Variants in SMAD6 observed in about 807,000 individuals in gnomAD.
SMAD6 encodes the protein MAD homolog 6.
In SMAD6, 103 loss-of-function variants were observed where a neutral mutation model predicts 39.4. That is an observed-to-expected ratio of 2.62 (90% CI 2.23 to 3.08). The LOEUF is 3.08. Among genes scored for constraint, SMAD6 ranks in the 30% most tolerant of loss-of-function variants. The pLI is 0.00. For missense variants in SMAD6, 1,104 were observed against 742.9 expected, an observed-to-expected ratio of 1.49 and a Z score of -5.65; for synonymous variants, 445 against 353.3, an observed-to-expected ratio of 1.26 and a Z score of -2.91.
At chr15:66,709,885 C>G (rs959961342) in intron 1 of SMAD6, among the ~76,000 whole-genome samples, 1 of 152,230 alleles carries the variant, frequency 6.6e-6, no homozygotes, top group South Asian at 2.1e-4. Context: ...AGGCTGGCCT[C>G]TAGGCCTGAG....
At position 66,781,613 on chromosome 15, in the gene SMAD6, G is replaced by C; in HGVS notation, c.*78G>C. The stretch of plus-strand genomic sequence containing the variant: ...CGGCCTCGAGAGGGGCCGATGCCCA[G>C]AGACACAGCCCCCACGGACAAAACC... On this transcript the variant is annotated 3_prime_UTR_variant, in exon 4 of 4. Transcript: ENST00000288840. 1 of 1,100,362 alleles carries C rather than the reference G, an allele frequency of 9.1e-7. No homozygotes were observed. The highest frequency in any genetic ancestry group is 1.2e-6 in the Non-Finnish European group (1 of 800,594). 68.2% of individuals were successfully genotyped at this position (1,100,362 alleles called of 1,614,324 possible).
chr15:66,761,314 G>C (rs1403203597), intron 3 of SMAD6, among the ~76,000 whole-genome samples: 1 of 152,164 alleles, frequency 6.6e-6, no homozygotes, highest in Admixed American at 6.5e-5. Context: ...TGGAAACCAA[G>C]CTCTGCTCTC....
At chr15:66,714,647 A>C (rs929878296) in intron 2 of SMAD6, among the ~76,000 whole-genome samples, 1 of 152,168 alleles carries the variant, frequency 6.6e-6, no homozygotes, top group Non-Finnish European at 1.5e-5. Context: ...GCGGGACCTG[A>C]ACCTGGAGCT....
chr15:66,781,962 A>G lies in SMAD6; in HGVS notation c.*427A>G, dbSNP rs1201862306. The G allele has an allele frequency of 2.5e-6, 1 of 398,752 alleles. No homozygotes were observed. The highest frequency in any genetic ancestry group is 3.6e-5 in the East Asian group (1 of 28,060). 24.7% of individuals were successfully genotyped at this position (398,752 alleles called of 1,614,324 possible). On this transcript the variant is annotated 3_prime_UTR_variant, in exon 4 of 4. Coordinates refer to ENST00000288840, the MANE Select transcript of SMAD6 (RefSeq NM_005585.5). ...CCCAGACAAAAAGCTAATACCAGTCACTCGATAATAAAGTATTCGCATTAT... is the reference window on the plus strand; with the variant it reads ...CCCAGACAAAAAGCTAATACCAGTCGCTCGATAATAAAGTATTCGCATTAT...
chr15:66,763,232 C>G (rs1894231590), intron 3 of SMAD6, among the ~76,000 whole-genome samples: 1 of 152,220 alleles, frequency 6.6e-6, no homozygotes, highest in Admixed American at 6.5e-5. Flanking sequence ...GTCAGCATGC[C>G]ACTTGGAGGT....
intron 3 of SMAD6, among the ~76,000 whole-genome samples, chr15:66,765,122 C>G (rs887046829): frequency 6.6e-6 from 1 of 152,206 alleles, no homozygotes; most frequent in Non-Finnish European, 1.5e-5. Flanking sequence ...CAGCCCTCAC[C>G]CCTGTTATCC....
At chr15:66,732,201 A>T (rs574519385) in intron 3 of SMAD6, among the ~76,000 whole-genome samples, 1 of 152,168 alleles carries the variant, frequency 6.6e-6, no homozygotes, top group South Asian at 2.1e-4. Context: ...CACCTCAGCC[A>T]AAGTGCTGGG....
chr15:66,774,584 G>A (rs566999764), intron 3 of SMAD6, among the ~76,000 whole-genome samples: 5 of 152,178 alleles, frequency 3.3e-5, no homozygotes, highest in East Asian at 3.9e-4. Flanking sequence ...GGGCCACTGT[G>A]GAGCCCTGCT....
intron 3 of SMAD6, among the ~76,000 whole-genome samples, chr15:66,763,723 C>T (rs28514905): frequency 0.11 from 16,676 of 152,306 alleles, 931 homozygotes; most frequent in South Asian, 0.13. Context: ...ATGTAAATCA[C>T]CAAGGAAGCC....
At chr15:66,760,553 C>T (rs1416902960) in intron 3 of SMAD6, among the ~76,000 whole-genome samples, 1 of 152,210 alleles carries the variant, frequency 6.6e-6, no homozygotes, top group Non-Finnish European at 1.5e-5. Context: ...CATGGCTGCT[C>T]CTGATCTCAT....
At chr15:66,777,047 A>G (rs935274885) in intron 3 of SMAD6, among the ~76,000 whole-genome samples, 1 of 152,210 alleles carries the variant, frequency 6.6e-6, no homozygotes, top group Non-Finnish European at 1.5e-5. Context: ...AAACAAAAAC[A>G]AAAACGAAGC....
At chr15:66,765,462 A>C (rs1894272283) in intron 3 of SMAD6, among the ~76,000 whole-genome samples, 1 of 152,154 alleles carries the variant, frequency 6.6e-6, no homozygotes, top group African/African-American at 2.4e-5. Context: ...TGACCTCGTG[A>C]TCTGCCTGCC....
chr15:66,715,289 G>C (rs1302783072), intron 2 of SMAD6, among the ~76,000 whole-genome samples: 1 of 135,250 alleles, frequency 7.4e-6, no homozygotes, highest in Non-Finnish European at 1.6e-5. Flanking sequence ...AACGAGAGAG[G>C]AAAAAAAAAA....
chr15:66,729,849 C>T (rs1893594336), intron 3 of SMAD6, among the ~76,000 whole-genome samples: 3 of 152,098 alleles, frequency 2.0e-5, no homozygotes, highest in Non-Finnish European at 2.9e-5. Flanking sequence ...AAGGCGGCAC[C>T]GCGGCCGGGC....
chr15:66,775,356 G>C (rs1453931498), intron 3 of SMAD6, among the ~76,000 whole-genome samples: 1 of 152,154 alleles, frequency 6.6e-6, no homozygotes, highest in Non-Finnish European at 1.5e-5. Flanking sequence ...GATGTGCCTA[G>C]TTTTTGTTTA....
chr15:66,720,223 G>C (rs914936465), intron 3 of SMAD6, among the ~76,000 whole-genome samples: 5 of 150,130 alleles, frequency 3.3e-5, no homozygotes, highest in African/African-American at 1.2e-4. Context: ...GGTGTGAGTG[G>C]CTGGTAGGCA....
In SMAD6 at chr15:66,704,039, T is replaced by C; in HGVS notation, c.781T>C (p.Cys261Arg). The change falls in exon 1 of 4, where the codon TGC becomes CGC. Residue 261 changes from cysteine to arginine, a missense_variant. Coordinates refer to ENST00000288840, the MANE Select transcript of SMAD6 (RefSeq NM_005585.5). The stretch of plus-strand genomic sequence containing the variant: ...CGCCGCCGACGGCCCTACCGTGTGC[T>C]GCAACCCCTACCACTTCAGCCGGCT... ...AAAADGPTVC[C>R]NPYHFSRLCG... is the part of the protein sequence containing the mutation. The C allele has an allele frequency of 2.6e-6, 4 of 1,513,102 alleles. No individual in the cohort carries two copies. The highest frequency in any genetic ancestry group is 3.5e-6 in the Non-Finnish European group (4 of 1,140,002). 93.7% of individuals were successfully genotyped at this position (1,513,102 alleles called of 1,614,324 possible).
intron 3 of SMAD6, among the ~76,000 whole-genome samples, chr15:66,719,088 A>G (rs1893384944): frequency 6.6e-6 from 1 of 152,194 alleles, no homozygotes; most frequent in Admixed American, 6.5e-5. Flanking sequence ...CCTTACCACA[A>G]CCCTGTGAGA....
At chr15:66,746,293 C>G (rs956417377) in intron 3 of SMAD6, among the ~76,000 whole-genome samples, 1 of 152,210 alleles carries the variant, frequency 6.6e-6, no homozygotes, top group African/African-American at 2.4e-5. Context: ...AGCTGGAACC[C>G]TCAAAAGGCT....
Sources: gnomAD v4.1 joint callset for allele counts (sites outside exome capture counted in the v4.1 genomes callset) on GRCh38, gnomAD v4.1.1 for gene constraint, MANE v1.5 for transcripts, NCBI Gene and HGNC (gene_info 2026-07-23, HGNC 2026-07-21) for gene names.